Variants in CDH9 observed in about 807,000 individuals in gnomAD.
CDH9 encodes the protein cadherin-9.
Under a neutral mutation model 70.9 loss-of-function variants are expected in CDH9, and 28 were observed. That is an observed-to-expected ratio of 0.40 (90% CI 0.29 to 0.54). The LOEUF (loss-of-function observed/expected upper bound fraction) is 0.54. Ranked by LOEUF, CDH9 falls within the 20% of genes least tolerant of loss-of-function variation. CDH9 has a pLI of 0.59. For synonymous variants in CDH9, 409 were observed against 343.1 expected, an observed-to-expected ratio of 1.19 and a Z score of -2.12; for missense variants, 874 against 984.4, an observed-to-expected ratio of 0.89 and a Z score of 1.50.
At chr5:26,930,544 A>T (rs1189600152) in intron 2 of CDH9, among the ~76,000 whole-genome samples, 1 of 152,120 alleles carries the variant, frequency 6.6e-6, no homozygotes, top group Non-Finnish European at 1.5e-5. Flanking sequence ...GCACAATTCA[A>T]ACCCATGTTG....
chr5:26,998,236 G>T (rs1742700901), intron 1 of CDH9, among the ~76,000 whole-genome samples: 1 of 152,092 alleles, frequency 6.6e-6, no homozygotes, highest in African/African-American at 2.4e-5. Context: ...CAGAGGAAAA[G>T]ATTGCAAAAA....
intron 7 of CDH9, among the ~76,000 whole-genome samples, chr5:26,891,489 C>A (rs12658592): frequency 0.32 from 49,326 of 151,906 alleles, 8,559 homozygotes; most frequent in Middle Eastern, 0.51. Context: ...ACCAGCCTGA[C>A]CAACATGGTG....
chr5:26,908,240 A>C (rs1472347052), intron 3 of CDH9, among the ~76,000 whole-genome samples: 1 of 152,216 alleles, frequency 6.6e-6, no homozygotes, highest in African/African-American at 2.4e-5. Context: ...TCATTAAAAA[A>C]TTATCCACCC....
chr5:26,897,676 G>C (rs889010211), intron 7 of CDH9, among the ~76,000 whole-genome samples: 1 of 145,798 alleles, frequency 6.9e-6, no homozygotes, highest in Non-Finnish European at 1.6e-5. Context: ...TCTCAAAATA[G>C]TAAGAGTTAT....
At chr5:26,993,698 C>CAAAAAAAAAAAAAAAAAAAAAAAAA (rs34545141) in intron 1 of CDH9, among the ~76,000 whole-genome samples, 1 of 51,004 alleles carries the variant, frequency 2.0e-5, no homozygotes, top group African/African-American at 8.4e-5. Context: ...TATTCAGCTG[C>CAAAAAAAAAAAAAAAAAAAAAAAAA]AAAAAAAAAA....
intron 1 of CDH9, among the ~76,000 whole-genome samples, chr5:27,018,564 C>T (rs930399599): frequency 1.3e-4 from 20 of 151,784 alleles, no homozygotes; most frequent in Admixed American, 1.1e-3. Context: ...AGTGATGGTC[C>T]TACGCTTTTT....
At chr5:26,974,842 T>C (rs936498580) in intron 2 of CDH9, among the ~76,000 whole-genome samples, 48 of 150,762 alleles carry the variant, frequency 3.2e-4, no homozygotes, top group African/African-American at 1.2e-3. Flanking sequence ...GCGTGTGTGT[T>C]GAGAAAACAA....
chr5:27,007,069 A>G (rs1742877066), intron 1 of CDH9, among the ~76,000 whole-genome samples: 1 of 152,188 alleles, frequency 6.6e-6, no homozygotes, highest in African/African-American at 2.4e-5. Flanking sequence ...AGAAAGCTAT[A>G]AATGAATTTT....
chr5:27,029,462 C>A (rs948514199), intron 1 of CDH9, among the ~76,000 whole-genome samples: 2 of 151,760 alleles, frequency 1.3e-5, no homozygotes, highest in African/African-American at 4.8e-5. Context: ...AAAACAAAGT[C>A]AGAGAGAGAG....
Position 26,890,569 on chromosome 5 carries a change from C to T in CDH9, c.1254-5G>A. ...GTATGCCGATCAACAGAGTACCTGG[C>T]AGAAGACAGACTCATAAATCCAGGC... On this transcript the variant is annotated splice_polypyrimidine_tract_variant and splice_region_variant and intron_variant, in intron 7 of 11. Coordinates refer to ENST00000231021, the MANE Select transcript of CDH9 (RefSeq NM_016279.4). The T allele has an allele frequency of 6.3e-7, 1 of 1,597,704 alleles. No homozygotes were observed. The highest frequency in any genetic ancestry group is 2.2e-5 in the East Asian group (1 of 44,752).
intron 5 of CDH9, 97 bp downstream of exon 5, chr5:26,905,862 C>A: frequency 1.1e-6 from 1 of 890,904 alleles, no homozygotes; most frequent in Non-Finnish European, 1.8e-6. Flanking sequence ...ATGCATAAAC[C>A]AATAGCAAAA....
At chr5:27,017,488 T>C (rs1158094061) in intron 1 of CDH9, among the ~76,000 whole-genome samples, 2 of 151,994 alleles carry the variant, frequency 1.3e-5, no homozygotes, top group Non-Finnish European at 2.9e-5. Flanking sequence ...GTCCCAAATG[T>C]CAAAACATTT....
intron 2 of CDH9, among the ~76,000 whole-genome samples, chr5:26,947,653 T>A (rs1299485051): frequency 1.3e-5 from 2 of 152,078 alleles, no homozygotes; most frequent in Admixed American, 1.3e-4. Context: ...AAATAAGCAT[T>A]GAAATAAGGA....
chr5:26,990,913 G>A (rs1742569609), intron 1 of CDH9, among the ~76,000 whole-genome samples: 1 of 152,168 alleles, frequency 6.6e-6, no homozygotes, highest in Non-Finnish European at 1.5e-5. Flanking sequence ...GTGGAACATA[G>A]GCCTTTGAGC....
At chr5:26,916,618 T>C (rs1181637351) in intron 2 of CDH9, among the ~76,000 whole-genome samples, 1 of 151,990 alleles carries the variant, frequency 6.6e-6, no homozygotes, top group East Asian at 1.9e-4. Flanking sequence ...GAATGGTCTC[T>C]CTTTCTCTCT....
At chr5:26,995,740 A>AT (rs1189161400) in intron 1 of CDH9, among the ~76,000 whole-genome samples, 1 of 152,076 alleles carries the variant, frequency 6.6e-6, no homozygotes, top group Non-Finnish European at 1.5e-5. Context: ...GGAAAAGCTG[A>AT]TTACTAAGTT....
intron 7 of CDH9, among the ~76,000 whole-genome samples, chr5:26,892,917 T>C (rs1469364466): frequency 1.3e-5 from 2 of 151,912 alleles, no homozygotes; most frequent in Non-Finnish European, 2.9e-5. Flanking sequence ...GTATTTTTAG[T>C]AGAGACAGGG....
rs112835057 is a variant in CDH9, at chr5:26,901,978, A to G, written c.1253+498T>C. Among the ~76,000 whole-genome samples the G allele has an allele frequency of 1.8e-3, 271 of 152,036 alleles. 2 individuals are homozygous for G. Among genetic ancestry groups the G allele is most frequent in the Non-Finnish European group, 3.5e-3 (237 of 67,878 alleles). The stretch of plus-strand genomic sequence containing the variant: ...TTAGGCCCAACAATTTTCAAAAGAA[A>G]ATATTTCATATTTTCTAGGAAAACA... On this transcript the variant is annotated intron_variant, in intron 7 of 11. Coordinates refer to ENST00000231021, the MANE Select transcript of CDH9 (RefSeq NM_016279.4).
intron 1 of CDH9, among the ~76,000 whole-genome samples, chr5:27,021,286 C>T (rs1215747677): frequency 6.6e-6 from 1 of 151,710 alleles, no homozygotes; most frequent in South Asian, 2.1e-4. Flanking sequence ...CTGAGTTTGA[C>T]GTTGACTTAT....
Sources: gnomAD v4.1 joint callset for allele counts (sites outside exome capture counted in the v4.1 genomes callset) on GRCh38, gnomAD v4.1.1 for gene constraint, MANE v1.5 for transcripts, NCBI Gene and HGNC (gene_info 2026-07-23, HGNC 2026-07-21) for gene names.